Variants in IRGQ observed in about 807,000 individuals in gnomAD.
IRGQ encodes the protein immunity-related GTPase family Q protein.
A neutral mutation model predicts 10.5 loss-of-function variants in IRGQ; 5 were observed. The ratio of observed to expected loss-of-function variants is 0.48; its 90% confidence interval spans 0.25 to 1.00. The LOEUF (loss-of-function observed/expected upper bound fraction) is 1.00. Ranked by LOEUF, IRGQ falls within the 50% of genes least tolerant of loss-of-function variation. The pLI is 0.16. For missense variants in IRGQ, 792 were observed against 877.7 expected (o/e 0.90, Z 1.23); for synonymous variants, 418 against 426.0 (o/e 0.98, Z 0.23).
rs545143983 is a variant in IRGQ at position 43,588,739 on chromosome 19, G to C, written c.*3287C>G. 3 of 152,374 alleles carry C rather than the reference G, an allele frequency of 2.0e-5. No homozygotes were observed. The highest frequency in any genetic ancestry group is 7.2e-5 in the African/African-American group (3 of 41,580). 9.4% of individuals were successfully genotyped at this position (152,374 alleles called of 1,614,324 possible). On this transcript the variant is annotated 3_prime_UTR_variant, in exon 3 of 3. Transcript: ENST00000422989. Reference sequence around the variant, plus strand: ...ATCTCAAAAAAAGAAAACTTAAAATGACATATGTGGCTTGCATTTCGTTTC... The same window carrying C: ...ATCTCAAAAAAAGAAAACTTAAAATCACATATGTGGCTTGCATTTCGTTTC...
In IRGQ at chr19:43,590,633, G is replaced by A. The variant is rs1973044242; in HGVS notation, c.*1393C>T. 1 of 152,170 alleles carries A rather than the reference G, an allele frequency of 6.6e-6. No individual in the cohort carries two copies. The highest frequency in any genetic ancestry group is 2.4e-5 in the African/African-American group (1 of 41,430). The allele number at this position is 152,170 out of a possible 1,614,324, so 9.4% of individuals were successfully genotyped here. A position where few individuals can be genotyped will look rare whatever the true frequency, so the allele number is the denominator to read the frequency against. On this transcript the variant is annotated 3_prime_UTR_variant, in exon 3 of 3. Coordinates refer to ENST00000422989, the MANE Select transcript of IRGQ (RefSeq NM_001007561.3). The stretch of plus-strand genomic sequence containing the variant: ...CGAGGTGTCCATACAGAAGTGTTTG[G>A]ACCAGTGCAGCAGTACAGCTGCTCT...
rs1717795010 is a variant in IRGQ at position 43,592,350 on chromosome 19, C to T, written c.1548G>A (p.Trp516Ter). 1.3e-6 allele frequency: 2 copies of T among 1,573,488 alleles called. No individual in the cohort carries two copies. Among genetic ancestry groups the T allele is most frequent in the African/African-American group, 2.7e-5 (2 of 73,934 alleles). Residue 516 changes from tryptophan (W) to a stop codon, truncating the protein, a stop_gained, in exon 3 of 3, where the codon TGG becomes TGA. Transcript: ENST00000422989. LOFTEE classifies it high-confidence loss of function. ...TGGGTTCCAGCCCCAGGCCCCGTCG[C>T]CACTCCGCCAGCTGACCCCGCAGAA... is the stretch of plus-strand genomic sequence containing the variant. ...VALLRGQLAE[W>*]RRGLGLEPTA... is the part of the protein sequence containing the mutation.
In IRGQ at chr19:43,585,455, T is replaced by C. The variant is rs1211538255; in HGVS notation, c.*6571A>G. 1 of 152,216 alleles carries C rather than the reference T, an allele frequency of 6.6e-6. No individual in the cohort carries two copies. Among genetic ancestry groups the C allele is most frequent in the Non-Finnish European group, 1.5e-5 (1 of 68,186 alleles). 9.4% of individuals were successfully genotyped at this position (152,216 alleles called of 1,614,324 possible). A position where few individuals can be genotyped will look rare whatever the true frequency, so the allele number is the denominator to read the frequency against. On this transcript the variant is annotated 3_prime_UTR_variant, in exon 3 of 3. Transcript: ENST00000422989. ...CGGGGTTTCACTGTGTTAGCCAGGA[T>C]GGTCTCGATCTCCTGACCTTGTGAT...
In IRGQ at chr19:43,592,896, C is replaced by G; in HGVS notation, c.1002G>C (p.Glu334Asp). ...APLVCVRTDG[E>D]GEDPECLGEG... ...CTCCCAGACACTCCGGATCCTCGCC[C>G]TCGCCGTCTGTGCGCACGCAGACAA... The change falls in exon 3 of 3, where the codon GAG becomes GAC. Residue 334 changes from glutamate to aspartate, a missense_variant. Transcript: ENST00000422989. The G allele has an allele frequency of 1.2e-6, 2 of 1,613,278 alleles. No individual in the cohort carries two copies. The highest frequency in any genetic ancestry group is 1.7e-6 in the Non-Finnish European group (2 of 1,180,038).
chr19:43,590,757 G>C lies in IRGQ; in HGVS notation c.*1269C>G, dbSNP rs1384349013. On this transcript the variant is annotated 3_prime_UTR_variant, in exon 3 of 3. Coordinates refer to ENST00000422989, the MANE Select transcript of IRGQ (RefSeq NM_001007561.3). ...AAAAGATAGAAACTCCTAAAGAAAAGAGACAGAGAAACAGACTCCCCAGAG... is the reference window on the plus strand; with the variant it reads ...AAAAGATAGAAACTCCTAAAGAAAACAGACAGAGAAACAGACTCCCCAGAG... 3 of 152,244 alleles carry C rather than the reference G, an allele frequency of 2.0e-5. No individual in the cohort carries two copies. Among genetic ancestry groups the C allele is most frequent in the African/African-American group, 4.8e-5 (2 of 41,452 alleles). 9.4% of individuals were successfully genotyped at this position (152,244 alleles called of 1,614,324 possible). A position where few individuals can be genotyped will look rare whatever the true frequency, so the allele number is the denominator to read the frequency against.
chr19:43,592,904 CTG>C lies in IRGQ; in HGVS notation c.992_993del (p.Thr331ArgfsTer37), dbSNP rs1349996559. ...CACTCCGGATCCTCGCCCTCGCCGTCTGTGCGCACGCAGACAAGAGGCGCATC... is the reference window on the plus strand; with the variant it reads ...CACTCCGGATCCTCGCCCTCGCCGTCTGCGCACGCAGACAAGAGGCGCATC... ...LPDAPLVCVR[T>X]DGEGEDPECL... On this transcript the variant is annotated frameshift_variant, in exon 3 of 3. Transcript: ENST00000422989. LOFTEE classifies it low-confidence loss of function (END_TRUNC). The C allele has an allele frequency of 1.2e-6, 2 of 1,612,966 alleles. No individual in the cohort carries two copies. Among genetic ancestry groups the C allele is most frequent in the Non-Finnish European group, 1.7e-6 (2 of 1,180,040 alleles).
In IRGQ at chr19:43,589,706, AATAAG is replaced by A. The variant is rs1183600457; in HGVS notation, c.*2315_*2319del. The A allele has an allele frequency of 6.6e-6, 1 of 152,216 alleles. No individual in the cohort carries two copies. The highest frequency in any genetic ancestry group is 2.4e-5 in the African/African-American group (1 of 41,452). The allele number at this position is 152,216 out of a possible 1,614,324, so 9.4% of individuals were successfully genotyped here. A position where few individuals can be genotyped will look rare whatever the true frequency, so the allele number is the denominator to read the frequency against. ...TCAAAAGCCAATAAACAGGTAAATA[AATAAG>A]ATCATTTTTGACAGTAATAATTGCT... On this transcript the variant is annotated 3_prime_UTR_variant, in exon 3 of 3. Transcript: ENST00000422989.
chr19:43,587,829 C>T lies in IRGQ; in HGVS notation c.*4197G>A, dbSNP rs1300882080. 3 of 151,430 alleles carry T rather than the reference C, an allele frequency of 2.0e-5. No individual in the cohort carries two copies. The East Asian group carries it at 5.9e-4, about 30-fold the overall frequency. The allele number at this position is 151,430 out of a possible 1,614,324, so 9.4% of individuals were successfully genotyped here. A position where few individuals can be genotyped will look rare whatever the true frequency, so the allele number is the denominator to read the frequency against. ...GCTGAGGCAGGAGAATCACTTGAACCTGGAAGGTGGAGGTTGCAGTGAGCC... is the reference window on the plus strand; with the variant it reads ...GCTGAGGCAGGAGAATCACTTGAACTTGGAAGGTGGAGGTTGCAGTGAGCC... On this transcript the variant is annotated 3_prime_UTR_variant, in exon 3 of 3. Coordinates refer to ENST00000422989, the MANE Select transcript of IRGQ (RefSeq NM_001007561.3).
Position 43,593,453 on chromosome 19 carries a change from C to A in IRGQ, c.531-86G>T. On this transcript the variant is annotated intron_variant, in intron 2 of 2. Coordinates refer to ENST00000422989, the MANE Select transcript of IRGQ (RefSeq NM_001007561.3). The surrounding 1 kb of genome is among the most constrained non-coding windows in gnomAD (Gnocchi z 6.4). ...GCTATGATGACAAGGGCAGAGCTTT[C>A]CTAATGATCCCAGAATGGGGCAGGG... 1 of 1,338,236 alleles carries A rather than the reference C, an allele frequency of 7.5e-7. No individual in the cohort carries two copies. The highest frequency in any genetic ancestry group is 1.5e-5 in the African/African-American group (1 of 68,778). 82.9% of individuals were successfully genotyped at this position (1,338,236 alleles called of 1,614,324 possible).
intron 1 of IRGQ, 122 bp from the exon 2 acceptor site, chr19:43,595,462 C>T: frequency 1.1e-6 from 1 of 902,550 alleles, no homozygotes; most frequent in Non-Finnish European, 1.6e-6. Flanking sequence ...TCTTGAGTGT[C>T]ACTCTCCAGG....
intron 2 of IRGQ, among the ~76,000 whole-genome samples, chr19:43,594,588 C>A (rs1168321504): frequency 6.6e-6 from 1 of 152,060 alleles, no homozygotes; most frequent in African/African-American, 2.4e-5. Context: ...AATCCTAGCA[C>A]TTTGGGAGGC....
rs1373117947 is a variant in IRGQ at position 43,592,885 on chromosome 19, G to A, written c.1013C>T (p.Pro338Leu). 6.2e-7 allele frequency: 1 copy of A among 1,613,486 alleles called. No homozygotes were observed. Among genetic ancestry groups the A allele is most frequent in the South Asian group, 1.1e-5 (1 of 91,080 alleles). ...CATCTTGCCTTCTCCCAGACACTCC[G>A]GATCCTCGCCCTCGCCGTCTGTGCG... ...CVRTDGEGED[P>L]ECLGEGKMEN... The change falls in exon 3 of 3, where the codon CCG becomes CTG. Residue 338 changes from proline (P) to leucine (L), a missense_variant. Physicochemically the swap from Pro to Leu is moderately conservative, Grantham distance 98. Coordinates refer to ENST00000422989, the MANE Select transcript of IRGQ (RefSeq NM_001007561.3).
In IRGQ at chr19:43,592,338, C is replaced by CA. The variant is rs2146096616; in HGVS notation, c.1559dup (p.Leu522AlafsTer10). The CA allele has an allele frequency of 6.4e-7, 1 of 1,570,938 alleles. No homozygotes were observed. The highest frequency in any genetic ancestry group is 2.4e-5 in the East Asian group (1 of 42,494). Reference sequence around the variant, plus strand: ...GAGCCAGTGCCGTGGGTTCCAGCCCCAGGCCCCGTCGCCACTCCGCCAGCT... The same window carrying CA: ...GAGCCAGTGCCGTGGGTTCCAGCCCCAAGGCCCCGTCGCCACTCCGCCAGCT... On this transcript the variant is annotated frameshift_variant, in exon 3 of 3. Transcript: ENST00000422989. LOFTEE classifies it high-confidence loss of function.
In IRGQ at chr19:43,593,069, C is replaced by T. The variant is rs771888584; in HGVS notation, c.829G>A (p.Val277Met). Residue 277 changes from valine to methionine, a missense_variant, in exon 3 of 3, where the codon GTG (valine) becomes ATG (methionine). Val to Met is a conservative substitution (Grantham distance 21, BLOSUM62 1). Transcript: ENST00000422989. The surrounding 1 kb of genome is among the most constrained non-coding windows in gnomAD (Gnocchi z 6.4). ...GCAGTGCCCGTGTGGCCCAGAGGCA[C>T]GGTCCAGAGCACCACATTCGGGCGC... ...PERPNVVLWT[V>M]PLGHTGTATT... 6 of 1,596,748 alleles carry T rather than the reference C, an allele frequency of 3.8e-6. No individual in the cohort carries two copies. The highest frequency in any genetic ancestry group is 5.1e-6 in the Non-Finnish European group (6 of 1,168,106).
At position 43,596,050 on chromosome 19, in the gene IRGQ, C is replaced by T. The variant is rs554048390; in HGVS notation, c.-71G>A. The T allele has an allele frequency of 2.0e-5, 3 of 152,332 alleles. No homozygotes were observed. Among genetic ancestry groups the T allele is most frequent in the Admixed American group, 6.5e-5 (1 of 15,298 alleles). 9.4% of individuals were successfully genotyped at this position (152,332 alleles called of 1,614,324 possible). On this transcript the variant is annotated 5_prime_UTR_variant, in exon 1 of 3. Coordinates refer to ENST00000422989, the MANE Select transcript of IRGQ (RefSeq NM_001007561.3). Reference sequence around the variant, plus strand: ...GTAGGTCAGCAGCTGAGAAGCCCGGCCCCTGGGCCGCGGCGGACGGAGGCC... The same window carrying T: ...GTAGGTCAGCAGCTGAGAAGCCCGGTCCCTGGGCCGCGGCGGACGGAGGCC...
In IRGQ at chr19:43,593,420, T is replaced by A; in HGVS notation, c.531-53A>T. On this transcript the variant is annotated intron_variant, in intron 2 of 2. Coordinates refer to ENST00000422989, the MANE Select transcript of IRGQ (RefSeq NM_001007561.3). The surrounding 1 kb of genome is among the most constrained non-coding windows in gnomAD (Gnocchi z 6.4). ...AAGGTAGAAGAGGGGCTGGGTGACA[T>A]GGACTGGGCTATGATGACAAGGGCA... 3 of 1,464,828 alleles carry A rather than the reference T, an allele frequency of 2.0e-6. No individual in the cohort carries two copies. Among genetic ancestry groups the A allele is most frequent in the Non-Finnish European group, 2.7e-6 (3 of 1,105,086 alleles). 90.7% of individuals were successfully genotyped at this position (1,464,828 alleles called of 1,614,324 possible).
Position 43,595,294 on chromosome 19 carries a change from A to T in IRGQ, c.45T>A (p.Pro15=). Residue 15 remains proline (P), a synonymous_variant, in exon 2 of 3, where the codon CCT becomes CCA. Coordinates refer to ENST00000422989, the MANE Select transcript of IRGQ (RefSeq NM_001007561.3). The stretch of plus-strand genomic sequence containing the variant: ...TCAGCGCGGACTTCCCCAAGCCCGG[A>T]GGCCCCAGGAACAAGGCGGTCACGT... ...QGDVTALFLG[P]PGLGKSALIA... 1 of 1,592,694 alleles carries T rather than the reference A, an allele frequency of 6.3e-7. No individual in the cohort carries two copies. The highest frequency in any genetic ancestry group is 8.5e-7 in the Non-Finnish European group (1 of 1,169,726).
At chr19:43,594,090 A>T (rs1973096324) in intron 2 of IRGQ, among the ~76,000 whole-genome samples, 1 of 152,202 alleles carries the variant, frequency 6.6e-6, no homozygotes, top group African/African-American at 2.4e-5. Context: ...CCCCAAAATA[A>T]TAAAGCTCAT....
chr19:43,588,749 G>A lies in IRGQ; in HGVS notation c.*3277C>T, dbSNP rs143970791. ...AAGAAAACTTAAAATGACATATGTG[G>A]CTTGCATTTCGTTTCTACTGGACAG... is the stretch of plus-strand genomic sequence containing the variant. On this transcript the variant is annotated 3_prime_UTR_variant, in exon 3 of 3. Coordinates refer to ENST00000422989, the MANE Select transcript of IRGQ (RefSeq NM_001007561.3). 281 of 152,370 alleles carry A rather than the reference G, an allele frequency of 1.8e-3. 3 individuals carry two copies. Among genetic ancestry groups the A allele is most frequent in the African/African-American group, 6.2e-3 (256 of 41,578 alleles). The allele number at this position is 152,370 out of a possible 1,614,324, so 9.4% of individuals were successfully genotyped here.
Sources: allele counts gnomAD v4.1 joint callset (sites outside exome capture counted in the v4.1 genomes callset), GRCh38; gene constraint gnomAD v4.1.1; non-coding constraint Gnocchi (gnomAD v3.1); transcripts MANE v1.5; gene names NCBI Gene and HGNC (gene_info 2026-07-23, HGNC 2026-07-21).